The following SGCD variants were observed in gnomAD, a reference collection of about 807,000 sequenced individuals.
The protein encoded by SGCD is sarcoglycan delta.
Under a neutral mutation model 36.6 loss-of-function variants are expected in SGCD, and 18 were observed. That is an observed-to-expected ratio of 0.49 (90% CI 0.34 to 0.73). SGCD has a LOEUF of 0.73. Among genes scored for constraint, SGCD ranks in the 30% least tolerant of loss-of-function variants. The pLI, the probability that SGCD is intolerant of heterozygous loss-of-function variation, is 0.01. For synonymous variants in SGCD, 133 were observed against 130.6 expected, an observed-to-expected ratio of 1.02 and a Z score of -0.12; for missense variants, 387 against 346.7, an observed-to-expected ratio of 1.12 and a Z score of -0.92.
chr5:155,738,810 AGAGT>A, the SGCD span, among the ~76,000 whole-genome samples: 1 of 142,972 alleles, frequency 7.0e-6, no homozygotes, highest in Non-Finnish European at 1.5e-5. Flanking sequence ...TGTGTGTAAG[AGAGT>A]GTGTGAGAGT....
At position 156,529,253 on chromosome 5, in the gene SGCD, C is replaced by T. The variant is rs1226718205; in HGVS notation, c.294+20551C>T. ...CATCCTGGCCAACATGGTCAAACCC[C>T]GTCTCTACTAAAAATACAAAAATTA... On this transcript the variant is annotated intron_variant, in intron 4 of 8. Coordinates refer to ENST00000337851, the MANE Select transcript of SGCD (RefSeq NM_000337.6). 2.0e-5 allele frequency among the ~76,000 whole-genome samples: 3 copies of T among 151,938 alleles called. No homozygotes were observed. The East Asian group carries it at 5.8e-4, about 29-fold the overall frequency.
chr5:156,380,792 C>T (rs988027918), intron 3 of SGCD, among the ~76,000 whole-genome samples: 3 of 152,050 alleles, frequency 2.0e-5, no homozygotes, highest in Admixed American at 2.0e-4. Flanking sequence ...TAGTGCAGAG[C>T]CCAGAGATGT....
chr5:156,263,192 C>T (rs1283033126), intron 3 of SGCD, among the ~76,000 whole-genome samples: 2 of 152,058 alleles, frequency 1.3e-5, no homozygotes, highest in African/African-American at 2.4e-5. Context: ...ACCCTGTTTT[C>T]TATAGTGGTT....
At chr5:156,278,932 A>G (rs1047744728) in intron 3 of SGCD, among the ~76,000 whole-genome samples, 10 of 152,130 alleles carry the variant, frequency 6.6e-5, no homozygotes, top group Non-Finnish European at 1.5e-4. Context: ...TGGTTTTCAA[A>G]TGAAAGCAAT....
chr5:156,742,798 T>TAGGC (rs550697906), intron 7 of SGCD, among the ~76,000 whole-genome samples: 2 of 152,150 alleles, frequency 1.3e-5, no homozygotes, highest in African/African-American at 4.8e-5. Flanking sequence ...ATGTCTCAAG[T>TAGGC]AGGCAGGCAG....
intron 3 of SGCD, among the ~76,000 whole-genome samples, chr5:156,209,341 C>T (rs912879967): frequency 1.3e-5 from 2 of 152,196 alleles, no homozygotes; most frequent in African/African-American, 4.8e-5. Flanking sequence ...TAGCTCTAGT[C>T]ATCAGGCTAG....
intron 4 of SGCD, among the ~76,000 whole-genome samples, chr5:156,580,594 G>A (rs187724866): frequency 5.7e-4 from 86 of 152,120 alleles, no homozygotes; most frequent in South Asian, 3.8e-3. Flanking sequence ...GGCTTTGTTC[G>A]TTTCTCTTTA....
intron 1 of SGCD, among the ~76,000 whole-genome samples, chr5:155,936,606 T>C (rs1757207445): frequency 6.6e-6 from 1 of 152,198 alleles, no homozygotes; most frequent in South Asian, 2.1e-4. Context: ...TACATGGTGA[T>C]TGGTCCATGG....
At chr5:156,422,580 T>C (rs954600484) in intron 3 of SGCD, among the ~76,000 whole-genome samples, 1 of 152,040 alleles carries the variant, frequency 6.6e-6, no homozygotes, top group African/African-American at 2.4e-5. Context: ...ACCTACTATG[T>C]TCTAGAATCT....
intron 3 of SGCD, among the ~76,000 whole-genome samples, chr5:156,170,707 G>A (rs1207674413): frequency 1.3e-5 from 2 of 152,110 alleles, no homozygotes; most frequent in African/African-American, 4.8e-5. Context: ...GACAGGTCAG[G>A]AAACATCTAT....
At chr5:156,175,947 T>TC (rs1220713240) in intron 3 of SGCD, among the ~76,000 whole-genome samples, 2 of 134,278 alleles carry the variant, frequency 1.5e-5, no homozygotes, top group African/African-American at 5.7e-5. Context: ...TTTCTGTGGA[T>TC]CTTTTTTTTT....
intron 3 of SGCD, among the ~76,000 whole-genome samples, chr5:156,429,753 A>G (rs1470157900): frequency 6.6e-6 from 1 of 152,068 alleles, no homozygotes. Flanking sequence ...TCTGAAAAAG[A>G]ATTTATTTCT....
intron 3 of SGCD, among the ~76,000 whole-genome samples, chr5:156,229,301 A>ATATATATAT (rs1764953527): frequency 2.0e-4 from 1 of 5,124 alleles, no homozygotes. Context: ...TATATATATA[A>ATATATATAT]AATTAGTTCT....
intron 3 of SGCD, among the ~76,000 whole-genome samples, chr5:156,308,823 A>G (rs905547559): frequency 6.6e-6 from 1 of 151,748 alleles, no homozygotes. Flanking sequence ...TCCCTTTTAT[A>G]TTTTTCACAG....
At position 156,065,379 on chromosome 5, in the gene SGCD, G is replaced by A. The variant is rs1483731305; in HGVS notation, c.-281-52499G>A. Among the ~76,000 whole-genome samples, 12 of 124,270 alleles carry A rather than the reference G, an allele frequency of 9.7e-5. 1 individual carries two copies. The highest frequency in any genetic ancestry group is 1.7e-4 in the Non-Finnish European group (10 of 60,562). 81.5% of individuals were successfully genotyped at this position (124,270 alleles called of 152,430 possible). ...AACTATGTGGTCAATTTTGGAATAGGTGTGGTGTGGTGCTGAGAAGAATGT... is the reference window on the plus strand; with the variant it reads ...AACTATGTGGTCAATTTTGGAATAGATGTGGTGTGGTGCTGAGAAGAATGT... On this transcript the variant is annotated intron_variant, in intron 1 of 9. Transcript: ENST00000517913.
the SGCD span, among the ~76,000 whole-genome samples, chr5:155,843,615 T>C: frequency 6.6e-6 from 1 of 152,232 alleles, no homozygotes; most frequent in Admixed American, 6.5e-5. Context: ...TATGAGTTAA[T>C]TGAACCATAT....
At chr5:155,816,899 G>A in the SGCD span, among the ~76,000 whole-genome samples, 6 of 152,252 alleles carry the variant, frequency 3.9e-5, no homozygotes, top group East Asian at 1.9e-4. Context: ...GACATTATAC[G>A]TTAAAAAGTA....
chr5:156,495,336 T>C (rs552250913), intron 3 of SGCD, among the ~76,000 whole-genome samples: 4 of 152,254 alleles, frequency 2.6e-5, no homozygotes, highest in African/African-American at 9.6e-5. Context: ...GCCAAATTAA[T>C]AGGTAAGACA....
intron 4 of SGCD, among the ~76,000 whole-genome samples, chr5:156,587,662 A>G (rs889302631): frequency 3.3e-5 from 5 of 152,142 alleles, no homozygotes; most frequent in Non-Finnish European, 4.4e-5. Flanking sequence ...GACATTAGAC[A>G]GCCCACAATT....
Sources: gnomAD v4.1 joint callset for allele counts (sites outside exome capture counted in the v4.1 genomes callset) on GRCh38, gnomAD v4.1.1 for gene constraint, MANE v1.5 for transcripts, NCBI Gene and HGNC (gene_info 2026-07-23, HGNC 2026-07-21) for gene names.